Variants in RAB2A observed in about 807,000 individuals in gnomAD.
The protein encoded by RAB2A is ras-related protein Rab-2A.
Under a neutral mutation model 32.5 loss-of-function variants are expected in RAB2A, and 7 were observed. The observed-to-expected ratio is 0.22, with a 90% CI of 0.12 to 0.40. RAB2A has a LOEUF of 0.40. RAB2A is among the 10% of genes least tolerant of loss of function. The pLI, the probability that RAB2A is intolerant of heterozygous loss-of-function variation, is 1.00. For synonymous variants in RAB2A, 79 were observed against 85.2 expected (o/e 0.93, Z 0.40); for missense variants, 108 against 260.7 (o/e 0.41, Z 4.03).
chr8:60,564,620 C>T (rs1808076282), intron 2 of RAB2A, among the ~76,000 whole-genome samples: 1 of 151,978 alleles, frequency 6.6e-6, no homozygotes, highest in Admixed American at 6.6e-5. Flanking sequence ...TGAACATGTC[C>T]CAAATAGTTT....
chr8:60,557,397 T>C (rs779742717), intron 1 of RAB2A, among the ~76,000 whole-genome samples: 1 of 152,136 alleles, frequency 6.6e-6, no homozygotes, highest in Admixed American at 6.5e-5. Context: ...GCGCCTGTTA[T>C]GCCAACTACT....
intron 6 of RAB2A, chr8:60,592,179 T>G (rs897963652): frequency 5.9e-6 from 2 of 339,468 alleles, no homozygotes. Context: ...AATGTTTTCT[T>G]ACATTTTTGT....
At chr8:60,534,765 GA>G (rs113614420) in intron 1 of RAB2A, among the ~76,000 whole-genome samples, 9,671 of 152,244 alleles carry the variant, frequency 0.064, 798 homozygotes, top group African/African-American at 0.19. Flanking sequence ...ACACTGTGAA[GA>G]CCATTGTGTG....
chr8:60,522,206 A>G (rs1181284462), intron 1 of RAB2A, among the ~76,000 whole-genome samples: 1 of 152,226 alleles, frequency 6.6e-6, no homozygotes, highest in Non-Finnish European at 1.5e-5. Context: ...CAGATCCCAG[A>G]GAGGGAGTGG....
Position 60,548,969 on chromosome 8 carries a change from G to A in RAB2A, c.47-9883G>A, listed in dbSNP as rs550626599. Among the ~76,000 whole-genome samples the A allele has an allele frequency of 1.0e-3, 152 of 151,596 alleles. 1 individual carries two copies. Among genetic ancestry groups the A allele is most frequent in the Non-Finnish European group, 1.8e-3 (125 of 67,840 alleles). On this transcript the variant is annotated intron_variant, in intron 1 of 7. Transcript: ENST00000262646. ...GGTCTCCTCACTTCTCAGACGGGGC[G>A]GCAGGGCAGAGACGCTCCTCACATC... is the stretch of plus-strand genomic sequence containing the variant.
intron 6 of RAB2A, among the ~76,000 whole-genome samples, chr8:60,611,819 G>A (rs1275643936): frequency 6.6e-6 from 1 of 152,144 alleles, no homozygotes; most frequent in African/African-American, 2.4e-5. Flanking sequence ...CAAAACGTCA[G>A]TCATTGGTTC....
At chr8:60,601,470 T>C (rs1195492708) in intron 6 of RAB2A, among the ~76,000 whole-genome samples, 1 of 152,170 alleles carries the variant, frequency 6.6e-6, no homozygotes, top group African/African-American at 2.4e-5. Flanking sequence ...CCTGAGTAGA[T>C]GGGACTACAG....
In RAB2A at chr8:60,623,256, A is replaced by G. The variant is rs1277697460; in HGVS notation, c.*2487A>G. 6.6e-6 allele frequency: 1 copy of G among 152,240 alleles called. No individual in the cohort carries two copies. 9.4% of individuals were successfully genotyped at this position (152,240 alleles called of 1,614,324 possible). ...TACAACTGCATACAATTTGTTTTTA[A>G]TGATATTTTAAAATAGCCTGTTAGC... On this transcript the variant is annotated 3_prime_UTR_variant, in exon 8 of 8. Coordinates refer to ENST00000262646, the MANE Select transcript of RAB2A (RefSeq NM_002865.3).
intron 6 of RAB2A, 62 bp from the exon 7 acceptor site, chr8:60,618,518 T>A (rs1169789232): frequency 3.2e-5 from 26 of 818,220 alleles, no homozygotes; most frequent in Non-Finnish European, 4.4e-5. Flanking sequence ...CTATAGAGCA[T>A]ATATAATGTT....
At chr8:60,589,402 A>G (rs888663669) in intron 5 of RAB2A, among the ~76,000 whole-genome samples, 42 of 152,364 alleles carry the variant, frequency 2.8e-4, no homozygotes, top group African/African-American at 1.0e-3. Context: ...TGAACTGTGG[A>G]TAGACATCAA....
intron 6 of RAB2A, among the ~76,000 whole-genome samples, chr8:60,595,241 T>A (rs1804004043): frequency 6.6e-6 from 1 of 152,216 alleles, no homozygotes; most frequent in African/African-American, 2.4e-5. Flanking sequence ...CAAATTATGT[T>A]TGATGTTTGA....
intron 1 of RAB2A, among the ~76,000 whole-genome samples, chr8:60,549,415 A>G (rs1184901563): frequency 6.6e-6 from 1 of 151,494 alleles, no homozygotes; most frequent in East Asian, 1.9e-4. Flanking sequence ...AGGCTGGCGG[A>G]TCACTCGCGG....
At chr8:60,603,169 A>AG (rs1804165408) in intron 6 of RAB2A, among the ~76,000 whole-genome samples, 1 of 152,202 alleles carries the variant, frequency 6.6e-6, no homozygotes, top group Admixed American at 6.5e-5. Context: ...GAGAAATTTT[A>AG]ATGCACAGGG....
At chr8:60,542,410 G>A (rs186633832) in intron 1 of RAB2A, among the ~76,000 whole-genome samples, 1 of 152,124 alleles carries the variant, frequency 6.6e-6, no homozygotes, top group South Asian at 2.1e-4. Context: ...AGCTACTTGG[G>A]AGCTGAGGCA....
rs576644867 is a variant in RAB2A, at chr8:60,558,949, G to A, written c.118+26G>A. The A allele has an allele frequency of 7.1e-5, 111 of 1,552,988 alleles. 1 individual carries two copies. In the East Asian group the frequency reaches 2.5e-3, roughly 35 times the overall value. ...GTAAGTTTTATAAAAGGGATGAGAA[G>A]CACTAAAAGTTTTGGATAGTTTAAA... On this transcript the variant is annotated intron_variant, in intron 2 of 7. Transcript: ENST00000262646.
intron 1 of RAB2A, among the ~76,000 whole-genome samples, chr8:60,523,283 G>C (rs376842816): frequency 6.7e-6 from 1 of 150,222 alleles, no homozygotes; most frequent in African/African-American, 2.5e-5. Flanking sequence ...TCAGCCTCCC[G>C]AATAGCTGGG....
chr8:60,562,258 T>C (rs58933078), intron 2 of RAB2A, among the ~76,000 whole-genome samples: 6,425 of 152,240 alleles, frequency 0.042, 323 homozygotes, highest in African/African-American at 0.12. Flanking sequence ...ACAGTTTCAA[T>C]ATAATGCTCC....
At chr8:60,574,401 A>G (rs1299740854) in intron 3 of RAB2A, among the ~76,000 whole-genome samples, 1 of 150,342 alleles carries the variant, frequency 6.7e-6, no homozygotes, top group East Asian at 1.9e-4. Context: ...ATTTTACTGA[A>G]TGAATGAATA....
chr8:60,530,380 A>G (rs1807458483), intron 1 of RAB2A, among the ~76,000 whole-genome samples: 1 of 151,934 alleles, frequency 6.6e-6, no homozygotes, highest in African/African-American at 2.4e-5. Flanking sequence ...TCCTGACCTC[A>G]TGTGATCTGC....
Sources: allele counts gnomAD v4.1 joint callset (sites outside exome capture counted in the v4.1 genomes callset), GRCh38; gene constraint gnomAD v4.1.1; transcripts MANE v1.5; gene names NCBI Gene and HGNC (gene_info 2026-07-23, HGNC 2026-07-21).